Variants in EPDR1 observed in about 807,000 individuals in gnomAD.
EPDR1 encodes ependymin related 1.
In EPDR1, 27 loss-of-function variants were observed where a neutral mutation model predicts 23.7. The ratio of observed to expected loss-of-function variants is 1.14; its 90% CI spans 0.84 to 1.57. EPDR1 has a LOEUF of 1.57. Ranked by LOEUF, EPDR1 falls within the 40% of genes most tolerant of loss-of-function variation. EPDR1 has a pLI of 0.00. For synonymous variants in EPDR1, 137 were observed against 118.2 expected (o/e 1.16, Z -1.03); for missense variants, 349 against 290.4 (o/e 1.20, Z -1.47).
chr7:37,930,937 T>A (rs1044288868), intron 1 of EPDR1, among the ~76,000 whole-genome samples: 4 of 152,238 alleles, frequency 2.6e-5, no homozygotes, highest in African/African-American at 7.2e-5. Context: ...CAAGGTCTTC[T>A]GTTTTAGAGA....
At chr7:37,927,874 C>T (rs932925856) in intron 1 of EPDR1, among the ~76,000 whole-genome samples, 1 of 152,168 alleles carries the variant, frequency 6.6e-6, no homozygotes, top group Non-Finnish European at 1.5e-5. Flanking sequence ...GAAGTCTTGA[C>T]TGCTTGTGGC....
At chr7:37,935,950 A>G (rs1786036253) in intron 1 of EPDR1, among the ~76,000 whole-genome samples, 1 of 144,946 alleles carries the variant, frequency 6.9e-6, no homozygotes, top group Non-Finnish European at 1.5e-5. Context: ...AAAACTGTAG[A>G]AATAATCTAA....
intron 1 of EPDR1, among the ~76,000 whole-genome samples, chr7:37,937,163 G>A (rs1441212205): frequency 6.6e-6 from 1 of 152,144 alleles, no homozygotes; most frequent in Admixed American, 6.5e-5. Flanking sequence ...GGAAAAGATG[G>A]ACTTATTAAT....
chr7:37,923,302 G>A (rs555622836), intron 1 of EPDR1, among the ~76,000 whole-genome samples: 178 of 152,300 alleles, frequency 1.2e-3, no homozygotes, highest in Non-Finnish European at 2.2e-3. Context: ...TGAACAGGGG[G>A]CAAGTGAATG....
At chr7:37,936,429 T>A (rs1453856717) in intron 1 of EPDR1, among the ~76,000 whole-genome samples, 1 of 152,064 alleles carries the variant, frequency 6.6e-6, no homozygotes. Context: ...GGATGCCCAT[T>A]ACCTACATTC....
intron 1 of EPDR1, among the ~76,000 whole-genome samples, chr7:37,924,418 G>T (rs548802577): frequency 7.2e-5 from 11 of 152,316 alleles, no homozygotes; most frequent in Middle Eastern, 3.4e-3. Flanking sequence ...TGCTGTTCCT[G>T]ACCCCTTCCA....
intron 1 of EPDR1, among the ~76,000 whole-genome samples, chr7:37,943,004 G>A (rs1317233980): frequency 6.6e-6 from 1 of 152,206 alleles, no homozygotes; most frequent in Non-Finnish European, 1.5e-5. Context: ...TGTGGTTGCC[G>A]TGGAGAGCTT....
chr7:37,950,389 C>A lies in EPDR1; in HGVS notation c.668C>A (p.Ser223Tyr), dbSNP rs770306566. ...CTGGAGAAGATGAGCGAAGACTGCT[C>A]CTGGTGAGCCTGTGCATAGGGAAGC... ...AQLEKMSEDC[S>Y]W The change falls in exon 3 of 3, where the codon TCC becomes TAC. Residue 223 changes from serine (S) to tyrosine (Y), a missense_variant. By Grantham distance (144) the Ser-to-Tyr change is moderately radical. Transcript: ENST00000199448. The A allele has an allele frequency of 1.2e-6, 2 of 1,611,224 alleles. No individual in the cohort carries two copies. Among genetic ancestry groups the A allele is most frequent in the Admixed American group, 3.3e-5 (2 of 59,744 alleles).
chr7:37,923,408 G>GC (rs34161213), intron 1 of EPDR1, among the ~76,000 whole-genome samples: 2,314 of 152,234 alleles, frequency 0.015, 150 homozygotes, highest in Admixed American at 0.1. Context: ...CGTTAAAGAG[G>GC]CCCCCATTTT....
chr7:37,937,010 A>T (rs1786067481), intron 1 of EPDR1, among the ~76,000 whole-genome samples: 2 of 152,302 alleles, frequency 1.3e-5, no homozygotes, highest in East Asian at 3.9e-4. Flanking sequence ...AAATGTTGAA[A>T]CACACTAGTA....
intron 1 of EPDR1, among the ~76,000 whole-genome samples, chr7:37,931,985 C>T (rs544867535): frequency 6.6e-6 from 1 of 152,024 alleles, no homozygotes; most frequent in Non-Finnish European, 1.5e-5. Context: ...TGGGATTACA[C>T]GCGTGAGCCA....
chr7:37,924,239 T>C (rs1785772203), intron 1 of EPDR1, among the ~76,000 whole-genome samples: 1 of 152,240 alleles, frequency 6.6e-6, no homozygotes, highest in Admixed American at 6.5e-5. Flanking sequence ...AGCAAACATC[T>C]AATGATTGCC....
chr7:37,948,903 G>T lies in EPDR1; in HGVS notation c.333G>T (p.Lys111Asn). The T allele has an allele frequency of 1.2e-6, 2 of 1,614,118 alleles. No individual in the cohort carries two copies. Among genetic ancestry groups the T allele is most frequent in the East Asian group, 2.2e-5 (1 of 44,866 alleles). Reference protein sequence around the residue: ...GVMFQIDQATKQCSKMTLTQP... With the variant: ...GVMFQIDQATNQCSKMTLTQP... The stretch of plus-strand genomic sequence containing the variant: ...TGTTTCAGATTGACCAAGCCACCAA[G>T]CAGTGCTCAAAGATGACCCTGACAC... Residue 111 changes from lysine to asparagine, a missense_variant, in exon 2 of 3, where the codon AAG (lysine) becomes AAT (asparagine). By Grantham distance (94) the Lys-to-Asn change is moderately conservative. Coordinates refer to ENST00000199448, the MANE Select transcript of EPDR1 (RefSeq NM_017549.5).
chr7:37,928,572 A>T (rs1034324557), intron 1 of EPDR1, among the ~76,000 whole-genome samples: 4 of 152,216 alleles, frequency 2.6e-5, no homozygotes, highest in African/African-American at 9.7e-5. Flanking sequence ...AAGAAGCTCT[A>T]CATTACTAAT....
rs1463035623 is a variant in EPDR1, at chr7:37,921,191, G to A, written c.252G>A (p.Ala84=). 1.3e-6 allele frequency: 2 copies of A among 1,590,146 alleles called. No individual in the cohort carries two copies. The highest frequency in any genetic ancestry group is 1.7e-6 in the Non-Finnish European group (2 of 1,176,690). Residue 84 remains alanine, a synonymous_variant, in exon 1 of 3, where the codon GCG becomes GCA. Coordinates refer to ENST00000199448, the MANE Select transcript of EPDR1 (RefSeq NM_017549.5). The stretch of plus-strand genomic sequence containing the variant: ...TGCGGGTGCTGGACGAGAGGAAGGC[G>A]CTGATCCCCTGCAAGAGGTACAGGT... ...QRVRVLDERK[A]LIPCKRLFEY...
intron 1 of EPDR1, among the ~76,000 whole-genome samples, chr7:37,933,424 T>C (rs1166615368): frequency 6.6e-6 from 1 of 152,248 alleles, no homozygotes; most frequent in East Asian, 1.9e-4. Flanking sequence ...AGAAGGCACA[T>C]GGTGTTTAAG....
chr7:37,921,561 G>A, intron 1 of EPDR1: 2 of 1,160,360 alleles, frequency 1.7e-6, no homozygotes, highest in Non-Finnish European at 2.2e-6. Context: ...GGAGCCCCCT[G>A]CAGTCTAGGG....
At chr7:37,922,919 G>A (rs978082194) in intron 1 of EPDR1, among the ~76,000 whole-genome samples, 4 of 152,322 alleles carry the variant, frequency 2.6e-5, no homozygotes, top group Middle Eastern at 3.4e-3. Context: ...AAATGAGAGT[G>A]AGTTCCAAAA....
In EPDR1 at chr7:37,950,182, AC is replaced by A. The variant is rs755923186; in HGVS notation, c.479-17del. ...GCCTGTCTTCTTTATTTAAAAGTCA[AC>A]TTTTTTCCTCTTATAGATGAAACCT... On this transcript the variant is annotated splice_polypyrimidine_tract_variant and intron_variant, in intron 2 of 2. Coordinates refer to ENST00000199448, the MANE Select transcript of EPDR1 (RefSeq NM_017549.5). The A allele has an allele frequency of 1.3e-6, 2 of 1,567,846 alleles. No homozygotes were observed. The highest frequency in any genetic ancestry group is 2.7e-5 in the African/African-American group (2 of 73,596).
Sources: gnomAD v4.1 joint callset for allele counts (sites outside exome capture counted in the v4.1 genomes callset) on GRCh38, gnomAD v4.1.1 for gene constraint, MANE v1.5 for transcripts, NCBI Gene and HGNC (gene_info 2026-07-23, HGNC 2026-07-21) for gene names.